OPCML: variants seen among roughly 807,000 people sequenced by gnomAD.
OPCML encodes the protein opioid-binding protein/cell adhesion molecule.
OPCML carries 13 observed loss-of-function variants against 37.8 expected under a neutral mutation model. The ratio of observed to expected loss-of-function variants is 0.34; its 90% CI spans 0.22 to 0.55. OPCML has a LOEUF of 0.55. Ranked by LOEUF, OPCML falls within the 20% of genes least tolerant of loss-of-function variation. The pLI, the probability that OPCML is intolerant of heterozygous loss-of-function variation, is 0.91. For missense variants in OPCML, 341 were observed against 435.6 expected (o/e 0.78, Z 1.93); for synonymous variants, 176 against 168.8 (o/e 1.04, Z -0.33).
At chr11:133,199,731 T>G (rs901245770) in intron 1 of OPCML, among the ~76,000 whole-genome samples, 3 of 152,196 alleles carry the variant, frequency 2.0e-5, no homozygotes, top group Non-Finnish European at 4.4e-5. Flanking sequence ...CTCTAATCCT[T>G]AATTAATGCT....
intron 1 of OPCML, among the ~76,000 whole-genome samples, chr11:133,278,963 C>T (rs913043117): frequency 2.6e-5 from 4 of 152,196 alleles, no homozygotes; most frequent in African/African-American, 7.2e-5. Flanking sequence ...GGAATTACAT[C>T]CCGAGCATGT....
intron 2 of OPCML, among the ~76,000 whole-genome samples, chr11:132,933,855 C>A (rs191850063): frequency 2.0e-5 from 3 of 152,126 alleles, no homozygotes; most frequent in East Asian, 1.9e-4. Context: ...ATTCCTCCCC[C>A]CTCTTACACA....
rs1346784729 is a variant in OPCML, at chr11:132,417,964, G to A, written c.*2229C>T. 2 of 152,216 alleles carry A rather than the reference G, an allele frequency of 1.3e-5. No homozygotes were observed. Among genetic ancestry groups the A allele is most frequent in the Non-Finnish European group, 2.9e-5 (2 of 68,044 alleles). The allele number at this position is 152,216 out of a possible 1,614,324, so 9.4% of individuals were successfully genotyped here. ...AGATGTCTGTTTACAGCTGGAAAAT[G>A]TAACATTAATTTCACTCACACCAGC... On this transcript the variant is annotated 3_prime_UTR_variant, in exon 8 of 8. Transcript: ENST00000524381.
At chr11:133,222,136 G>T (rs1187565618) in intron 1 of OPCML, among the ~76,000 whole-genome samples, 1 of 152,188 alleles carries the variant, frequency 6.6e-6, no homozygotes, top group Admixed American at 6.5e-5. Flanking sequence ...ATGGCTGCTG[G>T]GTTGTGGATG....
In OPCML at chr11:133,208,939, A is replaced by G. The variant is rs192844283; in HGVS notation, c.62-265929T>C. On this transcript the variant is annotated intron_variant, in intron 1 of 7. Coordinates refer to ENST00000524381, the MANE Select transcript of OPCML (RefSeq NM_001012393.5). The surrounding 1 kb of genome is among the most constrained non-coding windows in gnomAD (Gnocchi z 8.9). ...CCAACCCACTCTTGGGAGAAGACAT[A>G]CTTACATGGAAACAACAATAATAAA... Among the ~76,000 whole-genome samples the G allele has an allele frequency of 1.3e-3, 193 of 152,330 alleles. 1 individual carries two copies. The highest frequency in any genetic ancestry group is 9.9e-3 in the South Asian group (48 of 4,828).
At chr11:132,540,957 C>CT (rs1190073842) in intron 3 of OPCML, among the ~76,000 whole-genome samples, 7 of 152,086 alleles carry the variant, frequency 4.6e-5, no homozygotes, top group African/African-American at 1.7e-4. Context: ...TGTTCCTTTC[C>CT]CCCCCGACTT....
chr11:133,055,416 G>T (rs1417857121), intron 1 of OPCML, among the ~76,000 whole-genome samples: 5 of 143,320 alleles, frequency 3.5e-5, no homozygotes, highest in Non-Finnish European at 6.0e-5. Context: ...CGCCTCTACC[G>T]TATAATGCTG....
chr11:132,478,932 C>T (rs1295211583), intron 4 of OPCML, among the ~76,000 whole-genome samples: 1 of 152,152 alleles, frequency 6.6e-6, no homozygotes, highest in Non-Finnish European at 1.5e-5. Flanking sequence ...GACTACTCAT[C>T]AGCTGAACAT....
intron 1 of OPCML, among the ~76,000 whole-genome samples, chr11:133,288,852 A>G (rs1463509181): frequency 2.0e-5 from 3 of 152,172 alleles, no homozygotes; most frequent in African/African-American, 4.8e-5. Flanking sequence ...CCAAAGGCTC[A>G]TGGTAATTAA....
At chr11:133,078,311 C>T (rs1490584885) in intron 1 of OPCML, among the ~76,000 whole-genome samples, 4 of 152,198 alleles carry the variant, frequency 2.6e-5, no homozygotes, top group Admixed American at 2.6e-4. Flanking sequence ...AACACAGTAT[C>T]ACCTACATTG....
chr11:133,254,445 C>T (rs1444732333), intron 1 of OPCML, among the ~76,000 whole-genome samples: 1 of 152,132 alleles, frequency 6.6e-6, no homozygotes, highest in Non-Finnish European at 1.5e-5. Flanking sequence ...GGTACCACAC[C>T]AAGGATTTTA....
chr11:133,338,598 A>C (rs1160968923), intron 1 of OPCML, among the ~76,000 whole-genome samples: 1 of 152,236 alleles, frequency 6.6e-6, no homozygotes, highest in Non-Finnish European at 1.5e-5. Context: ...AAAAAGGCTC[A>C]GAAGGCAACA....
chr11:132,435,324 T>C (rs2096009414), intron 7 of OPCML: 1 of 1,070,226 alleles, frequency 9.3e-7, no homozygotes, highest in African/African-American at 1.6e-5. Context: ...CGTGGAAACG[T>C]GGATACCTCT....
intron 1 of OPCML, among the ~76,000 whole-genome samples, chr11:133,399,485 T>C (rs776505069): frequency 6.6e-6 from 1 of 152,142 alleles, no homozygotes; most frequent in Non-Finnish European, 1.5e-5. Context: ...CTCATCACCA[T>C]CATCAGTGCC....
chr11:133,252,345 G>T (rs1941161557), intron 1 of OPCML, among the ~76,000 whole-genome samples: 1 of 152,144 alleles, frequency 6.6e-6, no homozygotes, highest in Admixed American at 6.5e-5. Flanking sequence ...TAGGGTTGAT[G>T]AAGCTTCGGG....
intron 2 of OPCML, among the ~76,000 whole-genome samples, chr11:132,678,896 G>GTCA (rs1365188386): frequency 6.6e-6 from 1 of 152,104 alleles, no homozygotes; most frequent in Non-Finnish European, 1.5e-5. Context: ...GTGATGATGT[G>GTCA]TCATTGTAGG....
chr11:132,895,008 T>G (rs890728129), intron 2 of OPCML, among the ~76,000 whole-genome samples: 1 of 152,234 alleles, frequency 6.6e-6, no homozygotes, highest in African/African-American at 2.4e-5. Context: ...TCTGTCTTTC[T>G]GAAGAACACT....
chr11:132,714,561 A>C (rs567713884), intron 2 of OPCML, among the ~76,000 whole-genome samples: 5 of 150,222 alleles, frequency 3.3e-5, no homozygotes, highest in Non-Finnish European at 7.4e-5. Flanking sequence ...TAGAAGTTAA[A>C]GTCAAAATAT....
intron 1 of OPCML, among the ~76,000 whole-genome samples, chr11:133,135,963 C>A (rs1009656132): frequency 6.6e-6 from 1 of 152,094 alleles, no homozygotes. Context: ...CACTGTGGGA[C>A]AAAAAAGCAA....
Sources: allele counts gnomAD v4.1 joint callset (sites outside exome capture counted in the v4.1 genomes callset), GRCh38; gene constraint gnomAD v4.1.1; non-coding constraint Gnocchi (gnomAD v3.1); transcripts MANE v1.5; gene names NCBI Gene and HGNC (gene_info 2026-07-23, HGNC 2026-07-21).